WRN: variants seen among roughly 807,000 people sequenced by gnomAD.
WRN encodes bifunctional 3'-5' exonuclease/ATP-dependent helicase WRN.
Under a neutral mutation model 180.7 loss-of-function variants are expected in WRN, and 149 were observed. That is an observed-to-expected ratio of 0.82 (90% CI 0.72 to 0.94). WRN has a LOEUF of 0.94. Ranked by LOEUF, WRN falls within the 40% of genes least tolerant of loss-of-function variation. The pLI is 0.00. For missense variants in WRN, 1,661 were observed against 1,700.1 expected (o/e 0.98, Z 0.40); for synonymous variants, 548 against 568.9 (o/e 0.96, Z 0.52).
At chr8:31,111,921 C>T in intron 19 of WRN, 122 bp downstream of exon 19, 1 of 1,274,460 alleles carries the variant, frequency 7.8e-7, no homozygotes, top group Non-Finnish European at 1.1e-6. Flanking sequence ...TCAAATTCCA[C>T]CTAGTTTTGG....
At chr8:31,106,088 C>T (rs916577200) in intron 18 of WRN, among the ~76,000 whole-genome samples, 2 of 152,106 alleles carry the variant, frequency 1.3e-5, no homozygotes, top group Non-Finnish European at 2.9e-5. Context: ...AACAGCAGCT[C>T]CATTGGCCAA....
chr8:31,076,338 T>C lies in WRN; in HGVS notation c.839+51T>C, dbSNP rs749338007. ...AACTTAAATCAATTCTGTTTATTTT[T>C]TTATCACATTTTCCTATATGTGAAG... On this transcript the variant is annotated intron_variant, in intron 8 of 34. Transcript: ENST00000298139. 13 of 1,479,144 alleles carry C rather than the reference T, an allele frequency of 8.8e-6. No individual in the cohort carries two copies. In the African/African-American group the frequency reaches 1.7e-4, roughly 19 times the overall value. The allele number at this position is 1,479,144 out of a possible 1,614,324, so 91.6% of individuals were successfully genotyped here. A position where few individuals can be genotyped will look rare whatever the true frequency, so the allele number is the denominator to read the frequency against.
chr8:31,137,692 A>T (rs1802450525), intron 24 of WRN, among the ~76,000 whole-genome samples: 1 of 152,188 alleles, frequency 6.6e-6, no homozygotes, highest in Non-Finnish European at 1.5e-5. Flanking sequence ...AATAGAAGAT[A>T]AGTAACTTGC....
Position 31,083,774 on chromosome 8 carries a change from CTTAAGGTATGT to C in WRN, c.1349_1350+9del. 6.5e-7 allele frequency: 1 copy of C among 1,533,076 alleles called. No individual in the cohort carries two copies. The highest frequency in any genetic ancestry group is 1.1e-5 in the South Asian group (1 of 89,532). The allele number at this position is 1,533,076 out of a possible 1,614,324, so 95.0% of individuals were successfully genotyped here. On this transcript the variant is annotated splice_donor_variant and splice_donor_5th_base_variant and coding_sequence_variant and intron_variant, in exon 10 of 35. Coordinates refer to ENST00000298139, the MANE Select transcript of WRN (RefSeq NM_000553.6). LOFTEE classifies it high-confidence loss of function. ...TGATGAAGATTTAGAAATGGAGATG[CTTAAGGTATGT>C]TTACAATTATAAAAATATTACTTCA...
intron 20 of WRN, chr8:31,120,029 TA>T (rs1801662365): frequency 1.8e-6 from 1 of 558,006 alleles, no homozygotes; most frequent in African/African-American, 1.9e-5. Context: ...TACTATTTTT[TA>T]TAGAGAGTGA....
intron 31 of WRN, among the ~76,000 whole-genome samples, chr8:31,153,066 G>A (rs566593546): frequency 4.0e-5 from 6 of 151,570 alleles, no homozygotes; most frequent in Non-Finnish European, 5.9e-5. Context: ...TTCCAAACTT[G>A]TTCTCAACTT....
rs368883742 is a variant in WRN, at chr8:31,091,908, T to A, written c.1898+10T>A. ...TAACAGATATTAAATTGTGAGTAAT[T>A]TTTTTCCCTCAACTTTTATTTTGGA... On this transcript the variant is annotated intron_variant, in intron 16 of 34. Transcript: ENST00000298139. 5 of 1,612,320 alleles carry A rather than the reference T, an allele frequency of 3.1e-6. No homozygotes were observed. The South Asian group carries it at 4.4e-5, about 14-fold the overall frequency.
chr8:31,127,257 G>C (rs1383036342), intron 23 of WRN, among the ~76,000 whole-genome samples: 1 of 152,132 alleles, frequency 6.6e-6, no homozygotes, highest in African/African-American at 2.4e-5. Flanking sequence ...ATTAGAGATT[G>C]GGGGAGGGAG....
intron 23 of WRN, among the ~76,000 whole-genome samples, chr8:31,127,063 A>T (rs1443827153): frequency 6.6e-6 from 1 of 152,214 alleles, no homozygotes; most frequent in East Asian, 1.9e-4. Flanking sequence ...CAACCATTAG[A>T]GGGATTGAAT....
intron 34 of WRN, among the ~76,000 whole-genome samples, chr8:31,172,617 G>A (rs1281435265): frequency 6.6e-6 from 1 of 152,130 alleles, no homozygotes; most frequent in Non-Finnish European, 1.5e-5. Flanking sequence ...ATAACTCTTT[G>A]TGTATGTATA....
chr8:31,051,299 A>C (rs918120196), intron 1 of WRN, among the ~76,000 whole-genome samples: 3 of 152,164 alleles, frequency 2.0e-5, no homozygotes, highest in Non-Finnish European at 4.4e-5. Context: ...TTTCTAGAAG[A>C]TGACACTATT....
chr8:31,173,753 T>G lies in WRN; in HGVS notation c.*651T>G, dbSNP rs969332647. The G allele has an allele frequency of 6.4e-6, 1 of 155,818 alleles. No individual in the cohort carries two copies. 9.7% of individuals were successfully genotyped at this position (155,818 alleles called of 1,614,324 possible). Reference sequence around the variant, plus strand: ...AGTAATAAAACAATGTTTTTCATACTGAATATTATATATATATTTTTTAGC... The same window carrying G: ...AGTAATAAAACAATGTTTTTCATACGGAATATTATATATATATTTTTTAGC... On this transcript the variant is annotated 3_prime_UTR_variant, in exon 35 of 35. Coordinates refer to ENST00000298139, the MANE Select transcript of WRN (RefSeq NM_000553.6).
At chr8:31,153,874 A>G (rs1438107782) in intron 31 of WRN, among the ~76,000 whole-genome samples, 1 of 152,162 alleles carries the variant, frequency 6.6e-6, no homozygotes, top group African/African-American at 2.4e-5. Context: ...CACATGATAA[A>G]TAACCTATAA....
At chr8:31,153,869 G>C (rs1803249987) in intron 31 of WRN, among the ~76,000 whole-genome samples, 1 of 152,034 alleles carries the variant, frequency 6.6e-6, no homozygotes, top group Non-Finnish European at 1.5e-5. Context: ...TAGAACACAT[G>C]ATAAATAACC....
In WRN at chr8:31,078,600, C is replaced by T. The variant is rs542274007; in HGVS notation, c.840-2267C>T. ...AGAACTAAGAACTCTTAAAATAGAA[C>T]GGTTTGAAGTTTGTTACAGAAGGGA... On this transcript the variant is annotated intron_variant, in intron 8 of 34. Transcript: ENST00000298139. Among the ~76,000 whole-genome samples, 45 of 152,196 alleles carry T rather than the reference C, an allele frequency of 3.0e-4. 1 individual carries two copies. In the South Asian group the frequency reaches 5.8e-3, roughly 20 times the overall value.
chr8:31,116,314 A>G, intron 19 of WRN, 40 bp from the exon 20 acceptor site: 1 of 1,605,160 alleles, frequency 6.2e-7, no homozygotes, highest in African/African-American at 1.3e-5. Flanking sequence ...AGCATGTATA[A>G]AGTATATATG....
intron 8 of WRN, among the ~76,000 whole-genome samples, chr8:31,077,687 T>C (rs942351115): frequency 6.6e-6 from 1 of 152,234 alleles, no homozygotes; most frequent in Non-Finnish European, 1.5e-5. Context: ...AATTAAAATA[T>C]CTACTGGATG....
chr8:31,090,412 C>A (rs2130170672), intron 13 of WRN, 53 bp from the exon 14 acceptor site: 1 of 1,516,158 alleles, frequency 6.6e-7, no homozygotes, highest in Non-Finnish European at 9.1e-7. Context: ...TTAATTTGTA[C>A]CTTGGGTTTC....
intron 17 of WRN, 124 bp from the exon 18 acceptor site, chr8:31,100,725 C>G (rs866542427): frequency 1.0e-5 from 8 of 769,082 alleles, no homozygotes; most frequent in African/African-American, 8.8e-5. Flanking sequence ...GATATTTATG[C>G]TTCTGTTTTT....
Sources: allele counts gnomAD v4.1 joint callset (sites outside exome capture counted in the v4.1 genomes callset), GRCh38; gene constraint gnomAD v4.1.1; transcripts MANE v1.5; gene names NCBI Gene and HGNC (gene_info 2026-07-23, HGNC 2026-07-21).